The following RBFOX1 variants were observed in gnomAD, a reference collection of about 807,000 sequenced individuals.
The protein encoded by RBFOX1 is RNA binding protein fox-1 homolog 1.
In RBFOX1, 8 loss-of-function variants were observed where a neutral mutation model predicts 57.7. The ratio of observed to expected loss-of-function variants is 0.14; its 90% CI spans 0.08 to 0.25. The LOEUF (loss-of-function observed/expected upper bound fraction) is 0.25, where lower values mean the gene tolerates loss of function less well. Among genes scored for constraint, RBFOX1 ranks in the 10% least tolerant of loss-of-function variants. The pLI, the probability that RBFOX1 is intolerant of heterozygous loss-of-function variation, is 1.00. For synonymous variants in RBFOX1, 326 were observed against 222.4 expected (o/e 1.47, Z -4.15); for missense variants, 611 against 548.5 (o/e 1.11, Z -1.14).
intron 1 of RBFOX1, among the ~76,000 whole-genome samples, chr16:5,342,088 A>T (rs753917024): frequency 6.6e-5 from 10 of 152,194 alleles, no homozygotes; most frequent in Non-Finnish European, 2.9e-5. Flanking sequence ...TTTATTTCAG[A>T]GTTTGCGGCA....
intron 4 of RBFOX1, among the ~76,000 whole-genome samples, chr16:7,082,709 G>A (rs1001007504): frequency 1.3e-5 from 2 of 152,136 alleles, no homozygotes; most frequent in Admixed American, 6.5e-5. Flanking sequence ...GTTTAAAGTT[G>A]TATGCTGATT....
intron 3 of RBFOX1, among the ~76,000 whole-genome samples, chr16:5,764,998 A>T (rs1345893570): frequency 6.6e-6 from 1 of 152,146 alleles, no homozygotes; most frequent in Non-Finnish European, 1.5e-5. Context: ...GTGCTAGACC[A>T]AGTCTCGCAG....
At chr16:6,898,433 A>C (rs2067518302) in intron 3 of RBFOX1, among the ~76,000 whole-genome samples, 1 of 152,224 alleles carries the variant, frequency 6.6e-6, no homozygotes, top group Admixed American at 6.5e-5. Flanking sequence ...TGGCTGTGGT[A>C]GTAAGCATTT....
intron 1 of RBFOX1, among the ~76,000 whole-genome samples, chr16:6,216,929 T>A (rs2097339374): frequency 6.6e-6 from 1 of 152,172 alleles, no homozygotes; most frequent in Non-Finnish European, 1.5e-5. Context: ...TGGTCTTCTG[T>A]TCTTTCTACT....
In RBFOX1 at chr16:5,877,422, G is replaced by T. The variant is rs142169512; in HGVS notation, c.351+10087G>T. Among the ~76,000 whole-genome samples the T allele has an allele frequency of 1.3e-3, 192 of 152,348 alleles. 1 individual carries two copies. The highest frequency in any genetic ancestry group is 4.2e-3 in the African/African-American group (176 of 41,588). ...CTGTAATAGAAGTGGGTTCAAGGGG[G>T]AGAGTGAATACCTAGAGGGGGCTGT... On this transcript the variant is annotated intron_variant, in intron 4 of 19. Coordinates refer to the RBFOX1 transcript ENST00000641259.
At chr16:6,551,079 A>G (rs1378412495) in intron 2 of RBFOX1, among the ~76,000 whole-genome samples, 1 of 152,310 alleles carries the variant, frequency 6.6e-6, no homozygotes, top group African/African-American at 2.4e-5. Flanking sequence ...TCCTGGACCC[A>G]TTTTATGTGA....
chr16:6,764,809 T>C (rs1179391972), intron 3 of RBFOX1, among the ~76,000 whole-genome samples: 1 of 151,874 alleles, frequency 6.6e-6, no homozygotes, highest in East Asian at 1.9e-4. Context: ...TGGTGACGGG[T>C]GCCTGTAATC....
At chr16:5,890,107 C>A (rs144380844) in intron 4 of RBFOX1, among the ~76,000 whole-genome samples, 2 of 152,268 alleles carry the variant, frequency 1.3e-5, no homozygotes, top group East Asian at 3.9e-4. Context: ...AAACTGTACT[C>A]TTTGCTTGGT....
intron 4 of RBFOX1, among the ~76,000 whole-genome samples, chr16:6,013,367 A>G (rs1240880369): frequency 6.6e-6 from 1 of 152,188 alleles, no homozygotes; most frequent in African/African-American, 2.4e-5. Context: ...TTTGTTTCCA[A>G]AGTGTTCTTT....
chr16:5,590,564 T>C (rs1415899946), intron 2 of RBFOX1, among the ~76,000 whole-genome samples: 1 of 152,144 alleles, frequency 6.6e-6, no homozygotes, highest in Admixed American at 6.5e-5. Context: ...CGTACTGTGA[T>C]TCGGGGCGTG....
chr16:7,120,613 T>A (rs543821615), intron 4 of RBFOX1, among the ~76,000 whole-genome samples: 1 of 151,536 alleles, frequency 6.6e-6, no homozygotes, highest in Non-Finnish European at 1.5e-5. Flanking sequence ...TTCAATAGAC[T>A]TATTTAAAAT....
intron 2 of RBFOX1, among the ~76,000 whole-genome samples, chr16:5,510,594 T>G (rs537515889): frequency 6.6e-6 from 1 of 152,018 alleles, no homozygotes; most frequent in Non-Finnish European, 1.5e-5. Context: ...AGTTTAGGGC[T>G]TAGGGGGAGA....
intron 2 of RBFOX1, among the ~76,000 whole-genome samples, chr16:6,370,366 A>T (rs2090249584): frequency 1.3e-5 from 1 of 74,214 alleles, no homozygotes; most frequent in Non-Finnish European, 2.6e-5. Flanking sequence ...TCAAAAGAAA[A>T]AAAAAAAAAA....
chr16:7,623,139 A>G (rs1229647184), intron 10 of RBFOX1, among the ~76,000 whole-genome samples: 1 of 152,128 alleles, frequency 6.6e-6, no homozygotes, highest in Non-Finnish European at 1.5e-5. Context: ...AGGAAGGTGT[A>G]GTAGTTGGCT....
At chr16:6,530,630 T>C (rs775153074) in intron 2 of RBFOX1, among the ~76,000 whole-genome samples, 8 of 152,110 alleles carry the variant, frequency 5.3e-5, no homozygotes, top group Non-Finnish European at 1.2e-4. Context: ...GGATTCACAA[T>C]TCCACATGGC....
intron 4 of RBFOX1, among the ~76,000 whole-genome samples, chr16:5,989,146 C>T (rs1178885596): frequency 6.7e-6 from 1 of 150,078 alleles, no homozygotes; most frequent in Admixed American, 6.7e-5. Flanking sequence ...CAGTGAAACC[C>T]TGTCTCTACT....
At chr16:5,919,872 C>T (rs1029937069) in intron 4 of RBFOX1, among the ~76,000 whole-genome samples, 4 of 152,112 alleles carry the variant, frequency 2.6e-5, no homozygotes, top group Non-Finnish European at 4.4e-5. Flanking sequence ...GCCTGTGACC[C>T]TTTCTCTCTG....
intron 2 of RBFOX1, among the ~76,000 whole-genome samples, chr16:6,583,327 G>A (rs1033306916): frequency 3.9e-5 from 6 of 152,182 alleles, no homozygotes; most frequent in Non-Finnish European, 7.3e-5. Flanking sequence ...TCTGACAGTG[G>A]GAAATGGGTG....
intron 3 of RBFOX1, among the ~76,000 whole-genome samples, chr16:6,878,167 T>G (rs1411447985): frequency 6.6e-6 from 1 of 152,266 alleles, no homozygotes; most frequent in Admixed American, 6.5e-5. Context: ...ATGTAAATAC[T>G]TCCACTTCCC....
Sources: gnomAD v4.1 joint callset for allele counts (sites outside exome capture counted in the v4.1 genomes callset) on GRCh38, gnomAD v4.1.1 for gene constraint, MANE v1.5 for transcripts, NCBI Gene and HGNC (gene_info 2026-07-23, HGNC 2026-07-21) for gene names.